Variants in LHCGR observed in about 807,000 individuals in gnomAD.
LHCGR encodes the protein lutropin-choriogonadotropic hormone receptor.
In LHCGR, 55 loss-of-function variants were observed where a neutral mutation model predicts 60.7. That is an observed-to-expected ratio of 0.91 (90% CI 0.73 to 1.13). LHCGR has a LOEUF of 1.13. Ranked by LOEUF, LHCGR falls within the 50% of genes most tolerant of loss-of-function variation. The pLI is 0.00. For missense variants in LHCGR, 862 were observed against 836.0 expected, an observed-to-expected ratio of 1.03 and a Z score of -0.38; for synonymous variants, 337 against 316.5, an observed-to-expected ratio of 1.06 and a Z score of -0.69.
chr2:48,755,683 T>G lies in LHCGR; in HGVS notation c.-12A>C. 1 of 1,534,626 alleles carries G rather than the reference T, an allele frequency of 6.5e-7. No individual in the cohort carries two copies. The highest frequency in any genetic ancestry group is 8.7e-7 in the Non-Finnish European group (1 of 1,146,344). On this transcript the variant is annotated 5_prime_UTR_variant, in exon 1 of 11. Transcript: ENST00000294954. ...AACCGCTGCTTCATGGCCGGCGAAC[T>G]GGGCTTCTGCGGCTTGCCAGTGTCT...
chr2:48,739,792 C>A (rs1669355368), intron 1 of LHCGR, among the ~76,000 whole-genome samples: 1 of 151,940 alleles, frequency 6.6e-6, no homozygotes, highest in Non-Finnish European at 1.5e-5. Context: ...TGTACATGTA[C>A]CCTAAAACTT....
At chr2:48,713,476 A>G (rs374704897) in intron 7 of LHCGR, among the ~76,000 whole-genome samples, 2 of 152,164 alleles carry the variant, frequency 1.3e-5, no homozygotes, top group Non-Finnish European at 2.9e-5. Flanking sequence ...GGCTGTTAAC[A>G]TCAAGAACTG....
chr2:48,750,475 C>G (rs1669911234), intron 1 of LHCGR, among the ~76,000 whole-genome samples: 1 of 152,204 alleles, frequency 6.6e-6, no homozygotes, highest in African/African-American at 2.4e-5. Context: ...AAATGATAGA[C>G]TGGAAGCCTA....
At chr2:48,692,154 A>G (rs1319016856) in intron 10 of LHCGR, among the ~76,000 whole-genome samples, 1 of 152,196 alleles carries the variant, frequency 6.6e-6, no homozygotes, top group Non-Finnish European at 1.5e-5. Flanking sequence ...ACCGCCCAAG[A>G]ATTTGCATTT....
At chr2:48,742,700 G>C (rs1431052355) in intron 1 of LHCGR, among the ~76,000 whole-genome samples, 2 of 152,028 alleles carry the variant, frequency 1.3e-5, no homozygotes, top group African/African-American at 4.8e-5. Flanking sequence ...GCAGTGTGTA[G>C]AGGGAAATTT....
chr2:48,740,181 G>A lies in LHCGR; in HGVS notation c.162-8883C>T, dbSNP rs147617432. ...GGAGATTATATCCCGCACCTGGCTCGGAGGGTCTTACGCCCATGGAGTCTC... is the reference window on the plus strand; with the variant it reads ...GGAGATTATATCCCGCACCTGGCTCAGAGGGTCTTACGCCCATGGAGTCTC... On this transcript the variant is annotated intron_variant, in intron 1 of 10. Transcript: ENST00000294954. Among the ~76,000 whole-genome samples, 507 of 152,350 alleles carry A rather than the reference G, an allele frequency of 3.3e-3. 3 individuals are homozygous for A. The highest frequency in any genetic ancestry group is 0.011 in the African/African-American group (474 of 41,590).
chr2:48,721,701 A>T lies in LHCGR; in HGVS notation c.536+1755T>A, dbSNP rs768706051. On this transcript the variant is annotated intron_variant, in intron 6 of 10. Coordinates refer to ENST00000294954, the MANE Select transcript of LHCGR (RefSeq NM_000233.4). ...TGCTTCACATCTATCTCTTCATTTCAGAGTCATTCCAATCCATGTTTTCTC... is the reference window on the plus strand; with the variant it reads ...TGCTTCACATCTATCTCTTCATTTCTGAGTCATTCCAATCCATGTTTTCTC... 208 of 471,026 alleles carry T rather than the reference A, an allele frequency of 4.4e-4. 1 individual carries two copies. Among genetic ancestry groups the T allele is most frequent in the Non-Finnish European group, 1.8e-5 (4 of 227,062 alleles). 29.2% of individuals were successfully genotyped at this position (471,026 alleles called of 1,614,324 possible).
intron 1 of LHCGR, among the ~76,000 whole-genome samples, chr2:48,753,806 G>C (rs1670086931): frequency 6.8e-5 from 2 of 29,586 alleles, no homozygotes; most frequent in African/African-American, 5.6e-4. Context: ...GAGAAACTGA[G>C]TGTGTGTGTG....
At chr2:48,731,800 A>T (rs1414220971) in intron 1 of LHCGR, among the ~76,000 whole-genome samples, 1 of 152,214 alleles carries the variant, frequency 6.6e-6, no homozygotes, top group Non-Finnish European at 1.5e-5. Context: ...TGGAGACATT[A>T]ATGATGAAAA....
At chr2:48,712,921 A>G (rs1258993688) in intron 7 of LHCGR, among the ~76,000 whole-genome samples, 1 of 152,200 alleles carries the variant, frequency 6.6e-6, no homozygotes, top group Non-Finnish European at 1.5e-5. Flanking sequence ...ACCAAACGAT[A>G]TAGCACATAT....
chr2:48,706,183 G>A (rs569234366), intron 8 of LHCGR, among the ~76,000 whole-genome samples: 19 of 152,292 alleles, frequency 1.2e-4, no homozygotes, highest in Non-Finnish European at 2.2e-4. Flanking sequence ...GAAATTCTGT[G>A]TTGAAAATTC....
intron 7 of LHCGR, among the ~76,000 whole-genome samples, chr2:48,713,781 A>G (rs1278380747): frequency 1.3e-5 from 2 of 152,186 alleles, no homozygotes; most frequent in Non-Finnish European, 2.9e-5. Flanking sequence ...ACTTCAATGT[A>G]TCCAGGCTGC....
rs1310720627 is a variant in LHCGR, at chr2:48,691,831, C to CTGAG, written c.947+2389_947+2392dup. On this transcript the variant is annotated intron_variant, in intron 10 of 10. Coordinates refer to ENST00000294954, the MANE Select transcript of LHCGR (RefSeq NM_000233.4). Reference sequence around the variant, plus strand: ...ACTGCACTCCAACCTAAGTGACAGACTGAGATTCTGTCTCAAAAAAAAAAA... The same window carrying CTGAG: ...ACTGCACTCCAACCTAAGTGACAGACTGAGTGAGATTCTGTCTCAAAAAAAAAAA... Among the ~76,000 whole-genome samples, 22 of 135,768 alleles carry CTGAG rather than the reference C, an allele frequency of 1.6e-4. No homozygotes were observed. The East Asian group carries it at 4.3e-3, about 27-fold the overall frequency. The allele number at this position is 135,768 out of a possible 152,430, so 89.1% of individuals were successfully genotyped here. A position where few individuals can be genotyped will look rare whatever the true frequency, so the allele number is the denominator to read the frequency against.
chr2:48,706,518 A>T (rs1305934603), intron 8 of LHCGR, among the ~76,000 whole-genome samples: 1 of 152,254 alleles, frequency 6.6e-6, no homozygotes, highest in Non-Finnish European at 1.5e-5. Flanking sequence ...CATCACTTTC[A>T]GGTACACCAA....
chr2:48,725,199 A>T (rs1223866686), intron 4 of LHCGR, among the ~76,000 whole-genome samples: 3 of 152,236 alleles, frequency 2.0e-5, no homozygotes, highest in African/African-American at 7.2e-5. Context: ...TTTATATGGC[A>T]CAGTGTCTAC....
chr2:48,750,569 T>A (rs980207420), intron 1 of LHCGR, among the ~76,000 whole-genome samples: 88 of 152,328 alleles, frequency 5.8e-4, no homozygotes, highest in Non-Finnish European at 2.1e-4. Flanking sequence ...TTCCCCATTT[T>A]CTAAAACAGA....
In LHCGR at chr2:48,687,702, A is replaced by T. The variant is rs778585416; in HGVS notation, c.2095T>A (p.Cys699Ser). Residue 699 changes from cysteine to serine, a missense_variant, in exon 11 of 11, where the codon TGT (cysteine) becomes AGT (serine). By Grantham distance (112) the Cys-to-Ser change is moderately radical. Transcript: ENST00000294954. ...TGCAGTTACTGATGTAACAGTTAAC[A>T]CTCTGTGTAGCGAGTCTTGTCTAGG... ...ALLDKTRYTE[C>S] 14 of 1,612,698 alleles carry T rather than the reference A, an allele frequency of 8.7e-6. No homozygotes were observed. Among genetic ancestry groups the T allele is most frequent in the Non-Finnish European group, 1.2e-5 (14 of 1,178,870 alleles).
intron 8 of LHCGR, among the ~76,000 whole-genome samples, chr2:48,705,148 C>T (rs1310594778): frequency 6.6e-6 from 1 of 152,100 alleles, no homozygotes; most frequent in African/African-American, 2.4e-5. Context: ...TCGTTATGTA[C>T]CCAGTAGTCA....
chr2:48,702,763 G>A (rs1046780194), intron 8 of LHCGR, among the ~76,000 whole-genome samples: 1 of 151,956 alleles, frequency 6.6e-6, no homozygotes, highest in South Asian at 2.1e-4. Context: ...TCCTTTAATA[G>A]TACAATCCTT....
Sources: gnomAD v4.1 joint callset for allele counts (sites outside exome capture counted in the v4.1 genomes callset) on GRCh38, gnomAD v4.1.1 for gene constraint, MANE v1.5 for transcripts, NCBI Gene and HGNC (gene_info 2026-07-23, HGNC 2026-07-21) for gene names.